The following LONRF1 variants were observed in gnomAD, a reference collection of about 807,000 sequenced individuals.
LONRF1 encodes LON peptidase N-terminal domain and RING finger protein 1.
A neutral mutation model predicts 85.8 loss-of-function variants in LONRF1; 37 were observed. The observed-to-expected ratio is 0.43, with a 90% CI of 0.33 to 0.57. The LOEUF is 0.57. Among genes scored for constraint, LONRF1 ranks in the 20% least tolerant of loss-of-function variants. The pLI is 0.04. For synonymous variants in LONRF1, 517 were observed against 390.1 expected, an observed-to-expected ratio of 1.33 and a Z score of -3.83; for missense variants, 1,036 against 978.0, an observed-to-expected ratio of 1.06 and a Z score of -0.79.
intron 11 of LONRF1, among the ~76,000 whole-genome samples, chr8:12,724,961 C>T (rs189264685): frequency 1.3e-5 from 2 of 152,334 alleles, no homozygotes; most frequent in East Asian, 3.9e-4. Context: ...ATTATCTCTC[C>T]ATCTTCACAT....
Position 12,738,106 on chromosome 8 carries a change from T to C in LONRF1, c.1002A>G (p.Glu334=). The change falls in exon 4 of 12, where the codon GAA becomes GAG. Residue 334 remains glutamate (E), a synonymous_variant. Coordinates refer to ENST00000398246, the MANE Select transcript of LONRF1 (RefSeq NM_152271.5). The stretch of plus-strand genomic sequence containing the variant: ...AACTCCAGGAAGATTCCTTCAGGCC[T>C]TCTTTTAAGTTTTCAGGTAATAATA... ...CDLLLPENLK[E]GLKESSWSSL... is the part of the protein sequence containing the mutation. The C allele has an allele frequency of 1.9e-6, 3 of 1,597,202 alleles. No homozygotes were observed. Among genetic ancestry groups the C allele is most frequent in the Non-Finnish European group, 2.6e-6 (3 of 1,169,828 alleles).
rs772353556 is a variant in LONRF1 at position 12,722,803 on chromosome 8, C to G, written c.*293G>C. On this transcript the variant is annotated 3_prime_UTR_variant, in exon 12 of 12. Coordinates refer to ENST00000398246, the MANE Select transcript of LONRF1 (RefSeq NM_152271.5). ...ACGCACGCACACACACACACACACT[C>G]TCTCACAGACATAAAGAGTTCTTAT... is the stretch of plus-strand genomic sequence containing the variant. 13 of 240,066 alleles carry G rather than the reference C, an allele frequency of 5.4e-5. No individual in the cohort carries two copies. The highest frequency in any genetic ancestry group is 1.1e-4 in the Non-Finnish European group (13 of 122,660). 14.9% of individuals were successfully genotyped at this position (240,066 alleles called of 1,614,324 possible).
intron 11 of LONRF1, among the ~76,000 whole-genome samples, chr8:12,724,956 C>G (rs1258652302): frequency 6.6e-6 from 1 of 152,238 alleles, no homozygotes; most frequent in Non-Finnish European, 1.5e-5. Flanking sequence ...GATCTATTAT[C>G]TCTCCATCTT....
intron 1 of LONRF1, among the ~76,000 whole-genome samples, chr8:12,745,267 T>A (rs543752959): frequency 2.6e-5 from 4 of 151,396 alleles, no homozygotes; most frequent in African/African-American, 9.7e-5. Context: ...ACTCCTTGTA[T>A]GTAATGCTCT....
At chr8:12,736,228 G>C (rs1290064173) in intron 6 of LONRF1, among the ~76,000 whole-genome samples, 1 of 152,042 alleles carries the variant, frequency 6.6e-6, no homozygotes, top group Non-Finnish European at 1.5e-5. Flanking sequence ...TAGTCTTTTA[G>C]AATTATAGCA....
At chr8:12,731,887 C>T (rs1798541789) in intron 7 of LONRF1, 30 bp from the exon 8 acceptor site, 1 of 1,601,558 alleles carries the variant, frequency 6.2e-7, no homozygotes, top group South Asian at 1.1e-5. Flanking sequence ...TACATTCCAG[C>T]AGTGGTTTTC....
chr8:12,724,570 T>C (rs1383767504), intron 11 of LONRF1, among the ~76,000 whole-genome samples: 1 of 152,100 alleles, frequency 6.6e-6, no homozygotes, highest in Non-Finnish European at 1.5e-5. Flanking sequence ...GGTGGTTGCT[T>C]TTGCTTTCCT....
At chr8:12,734,445 A>G (rs1464550813) in intron 7 of LONRF1, among the ~76,000 whole-genome samples, 1 of 152,138 alleles carries the variant, frequency 6.6e-6, no homozygotes, top group East Asian at 1.9e-4. Context: ...ATCACCAGAG[A>G]CAGAATCACT....
At chr8:12,754,348 A>C in intron 1 of LONRF1, 4 of 183,834 alleles carry the variant, frequency 2.2e-5, no homozygotes, top group East Asian at 1.3e-4. Flanking sequence ...GCCGCTCGGG[A>C]TAGCCCAGCT....
At chr8:12,729,646 A>C (rs570313453) in intron 8 of LONRF1, among the ~76,000 whole-genome samples, 2 of 152,136 alleles carry the variant, frequency 1.3e-5, no homozygotes, top group African/African-American at 4.8e-5. Flanking sequence ...ATTATAAGTA[A>C]TATTTTATAT....
At chr8:12,736,611 T>C in intron 6 of LONRF1, 90 bp downstream of exon 6, 1 of 883,746 alleles carries the variant, frequency 1.1e-6, no homozygotes, top group Non-Finnish European at 1.7e-6. Context: ...ATTGTGTTAC[T>C]TTACATTGTC....
chr8:12,738,009 G>A lies in LONRF1; in HGVS notation c.1099C>T (p.Pro367Ser), dbSNP rs534271240. ...VMEESQSLNE[P>S]SPKQSEEIPE... ...TCACCCCGTACCTGCTTTGGGCTAG[G>A]TTCATTGAGAGACTGAGACTCTTCC... Residue 367 changes from proline (P) to serine (S), a missense_variant, in exon 4 of 12, where the codon CCT becomes TCT. This residue lies in a region of LONRF1 where 742 missense variants were observed against 614.4 expected (regional missense o/e 1.21). Transcript: ENST00000398246. 1.2e-6 allele frequency: 2 copies of A among 1,608,102 alleles called. No homozygotes were observed. The highest frequency in any genetic ancestry group is 2.7e-5 in the African/African-American group (2 of 74,734).
intron 10 of LONRF1, among the ~76,000 whole-genome samples, chr8:12,727,797 G>A (rs1034937546): frequency 2.0e-5 from 3 of 152,052 alleles, no homozygotes; most frequent in African/African-American, 4.8e-5. Context: ...CAATACTTTC[G>A]GCCAACTGCA....
rs752753061 is a variant in LONRF1, at chr8:12,728,935, C to T, written c.1976G>A (p.Cys659Tyr). The stretch of plus-strand genomic sequence containing the variant: ...TTCCAGATATTCAATGTCGGCAGTG[C>T]AATATCCATCTTTCATTCCTCTTTT... ...VLKRGMKDGYCTADIEYLEDV... is the reference protein window; with the variant it reads ...VLKRGMKDGYYTADIEYLEDV... Residue 659 changes from cysteine to tyrosine, a missense_variant, in exon 10 of 12, where the codon TGC (cysteine) becomes TAC (tyrosine). Around this residue, in one of 3 missense-constraint regions of LONRF1, gnomAD observed 265 missense variants for 301.5 expected, o/e 0.88. Transcript: ENST00000398246. The T allele has an allele frequency of 2.5e-6, 4 of 1,613,978 alleles. 1 individual carries two copies. The highest frequency in any genetic ancestry group is 1.1e-5 in the South Asian group (1 of 91,070).
rs192582304 is a variant in LONRF1 at position 12,733,261 on chromosome 8, T to G, written c.1567-1404A>C. Among the ~76,000 whole-genome samples, 627 of 152,256 alleles carry G rather than the reference T, an allele frequency of 4.1e-3. 4 individuals are homozygous for G. The highest frequency in any genetic ancestry group is 4.8e-3 in the Non-Finnish European group (326 of 68,014). On this transcript the variant is annotated intron_variant, in intron 7 of 11. Coordinates refer to ENST00000398246, the MANE Select transcript of LONRF1 (RefSeq NM_152271.5). Reference sequence around the variant, plus strand: ...ATTCCATTATCATTTTCTATTAAGTTAATAAAGATGTTTAAACATCTAGGG... The same window carrying G: ...ATTCCATTATCATTTTCTATTAAGTGAATAAAGATGTTTAAACATCTAGGG...
intron 7 of LONRF1, among the ~76,000 whole-genome samples, chr8:12,734,641 CAAG>C (rs1798650441): frequency 1.3e-5 from 2 of 152,316 alleles, no homozygotes; most frequent in South Asian, 2.1e-4. Flanking sequence ...ACTGACTCTA[CAAG>C]AAGGGGAATA....
At position 12,728,969 on chromosome 8, in the gene LONRF1, T is replaced by C; in HGVS notation, c.1942A>G (p.Arg648Gly). 6.2e-7 allele frequency: 1 copy of C among 1,614,048 alleles called. No homozygotes were observed. Among genetic ancestry groups the C allele is most frequent in the African/African-American group, 1.3e-5 (1 of 75,052 alleles). ...VVDTVGGKRF[R>G]VLKRGMKDGY... ...TCTTTCATTCCTCTTTTTAAAACCC[T>C]AAACCGCTTTCCTCCAACTGTATCA... Residue 648 changes from arginine to glycine, a missense_variant, in exon 10 of 12, where the codon AGG becomes GGG. Around this residue, in one of 3 missense-constraint regions of LONRF1, gnomAD observed 265 missense variants for 301.5 expected, o/e 0.88. Transcript: ENST00000398246.
chr8:12,731,669 G>A lies in LONRF1; in HGVS notation c.1688+67C>T, dbSNP rs1798534158. On this transcript the variant is annotated intron_variant, in intron 8 of 11. Transcript: ENST00000398246. ...ATGAACTAAAGACAGGATCCAGCTT[G>A]CGGTGAGGTTTTTCCTTACTATTAA... The A allele has an allele frequency of 2.2e-6, 3 of 1,342,632 alleles. No individual in the cohort carries two copies. The East Asian group carries it at 7.0e-5, about 31-fold the overall frequency. The allele number at this position is 1,342,632 out of a possible 1,614,324, so 83.2% of individuals were successfully genotyped here.
At chr8:12,747,743 C>A (rs1799219387) in intron 1 of LONRF1, among the ~76,000 whole-genome samples, 1 of 110,234 alleles carries the variant, frequency 9.1e-6, no homozygotes, top group Non-Finnish European at 1.9e-5. Context: ...CTCAGGTTGA[C>A]TGAAATCTCT....
Sources: allele counts gnomAD v4.1 joint callset (sites outside exome capture counted in the v4.1 genomes callset), GRCh38; gene constraint gnomAD v4.1.1; regional missense constraint gnomAD v4.1.1; transcripts MANE v1.5; gene names NCBI Gene and HGNC (gene_info 2026-07-23, HGNC 2026-07-21).